The following FBN3 variants were observed in gnomAD, a reference collection of about 807,000 sequenced individuals.
FBN3 encodes fibrillin 3, also known as fibrillin-3.
In FBN3, 234 loss-of-function variants were observed where a neutral mutation model predicts 330.1. That is an observed-to-expected ratio of 0.71 (90% CI 0.64 to 0.79). The LOEUF (loss-of-function observed/expected upper bound fraction) is 0.79, where lower values mean the gene tolerates loss of function less well. Ranked by LOEUF, FBN3 falls within the 30% of genes least tolerant of loss-of-function variation. FBN3 has a pLI of 0.00. For missense variants in FBN3, 3,606 were observed against 3,886.9 expected (o/e 0.93, Z 1.92); for synonymous variants, 1,458 against 1,517.3 (o/e 0.96, Z 0.91).
chr19:8,148,579 G>T (rs1390566458), intron 1 of FBN3, among the ~76,000 whole-genome samples: 1 of 152,232 alleles, frequency 6.6e-6, no homozygotes, highest in African/African-American at 2.4e-5. Flanking sequence ...GACCGGGACA[G>T]GAGACGACCG....
intron 57 of FBN3, 87 bp from the exon 58 acceptor site, chr19:8,081,567 G>C: frequency 7.2e-7 from 1 of 1,389,530 alleles, no homozygotes; most frequent in Non-Finnish European, 9.7e-7. Flanking sequence ...ACCAGACCCC[G>C]ACCATCTGAA....
chr19:8,110,269 G>C lies in FBN3; in HGVS notation c.4334-516C>G, dbSNP rs111642087. Among the ~76,000 whole-genome samples the C allele has an allele frequency of 2.4e-3, 372 of 152,234 alleles. 2 individuals are homozygous for C. The highest frequency in any genetic ancestry group is 8.3e-3 in the African/African-American group (346 of 41,532). On this transcript the variant is annotated intron_variant, in intron 34 of 63. Coordinates refer to ENST00000600128, the MANE Select transcript of FBN3 (RefSeq NM_032447.5). ...AGATGAGGTCTCGCTATGTTGCTCA[G>C]GCTGGTCTCCAACTCCTGGCCTGGA... is the stretch of plus-strand genomic sequence containing the variant.
At position 8,123,507 on chromosome 19, in the gene FBN3, A is replaced by G. The variant is rs1263286182; in HGVS notation, c.3039T>C (p.Cys1013=). ...RNTVGSFHCA[C]AGGFALDAQE... Reference sequence around the variant, plus strand: ...GGGCATCCAGGGCGAAGCCCCCCGCACAGGCGCAGTGGAAGCTGCCCACCG... The same window carrying G: ...GGGCATCCAGGGCGAAGCCCCCCGCGCAGGCGCAGTGGAAGCTGCCCACCG... The change falls in exon 24 of 64, where the codon TGT becomes TGC. Residue 1013 remains cysteine, a synonymous_variant. Coordinates refer to ENST00000600128, the MANE Select transcript of FBN3 (RefSeq NM_032447.5). The G allele has an allele frequency of 6.2e-7, 1 of 1,614,126 alleles. No individual in the cohort carries two copies. Among genetic ancestry groups the G allele is most frequent in the East Asian group, 2.2e-5 (1 of 44,882 alleles).
At chr19:8,101,347 C>T (rs2082324500) in intron 40 of FBN3, among the ~76,000 whole-genome samples, 1 of 152,148 alleles carries the variant, frequency 6.6e-6, no homozygotes, top group African/African-American at 2.4e-5. Flanking sequence ...ATGAATACAG[C>T]TATAAGCCCC....
At position 8,086,209 on chromosome 19, in the gene FBN3, C is replaced by T. The variant is rs564631372; in HGVS notation, c.6871G>A (p.Glu2291Lys). 12 of 1,597,590 alleles carry T rather than the reference C, an allele frequency of 7.5e-6. No homozygotes were observed. The highest frequency in any genetic ancestry group is 4.6e-5 in the East Asian group (2 of 43,930). The part of the protein sequence containing the change: ...EGFQPSPTLT[E>K]CHDIRQGPCF... ...GTCCAGCCACACTCACCGTGGCACTCGGTAAGGGTGGGGCTGGGCTGGAAT... is the reference window on the plus strand; with the variant it reads ...GTCCAGCCACACTCACCGTGGCACTTGGTAAGGGTGGGGCTGGGCTGGAAT... The change falls in exon 55 of 64, where the codon GAG (glutamate) becomes AAG (lysine). Residue 2291 changes from glutamate (E) to lysine (K), a missense_variant. Physicochemically the swap from Glu to Lys is moderately conservative, Grantham distance 56. Coordinates refer to ENST00000600128, the MANE Select transcript of FBN3 (RefSeq NM_032447.5).
At chr19:8,119,126 T>G in intron 25 of FBN3, 104 bp from the exon 26 acceptor site, 5 of 1,360,218 alleles carry the variant, frequency 3.7e-6, no homozygotes, top group Non-Finnish European at 4.9e-6. Context: ...CCAGCCCCCT[T>G]CACCCCAGCG....
chr19:8,114,736 T>A (rs2082669111), intron 30 of FBN3, among the ~76,000 whole-genome samples: 1 of 150,582 alleles, frequency 6.6e-6, no homozygotes, highest in African/African-American at 2.4e-5. Context: ...GGAGAATCAT[T>A]TTACTTATTT....
rs138093244 is a variant in FBN3, at chr19:8,067,974, G to A, written c.8089-1714C>T. The stretch of plus-strand genomic sequence containing the variant: ...AGCTACTAGGGAGGCTGAGGTGGGA[G>A]GATCCCTTGAGCCTGGGAGTTCAAG... On this transcript the variant is annotated intron_variant, in intron 63 of 63. Coordinates refer to ENST00000600128, the MANE Select transcript of FBN3 (RefSeq NM_032447.5). Among the ~76,000 whole-genome samples, 5 of 152,046 alleles carry A rather than the reference G, an allele frequency of 3.3e-5. No homozygotes were observed. The South Asian group carries it at 1.0e-3, about 32-fold the overall frequency.
intron 63 of FBN3, among the ~76,000 whole-genome samples, chr19:8,067,129 C>CTT (rs1029572620): frequency 5.2e-5 from 7 of 135,220 alleles, no homozygotes; most frequent in African/African-American, 1.6e-4. Context: ...TCTTCTTTTT[C>CTT]TTTTTTTTTT....
intron 40 of FBN3, 80 bp downstream of exon 40, chr19:8,102,644 A>G: frequency 7.1e-7 from 1 of 1,402,912 alleles, no homozygotes; most frequent in South Asian, 1.3e-5. Context: ...TTAATCTAAG[A>G]ACCCTAAGGG....
chr19:8,136,901 GGGGCCTGGATCCCTCCAACCT>G (rs1555754109), intron 10 of FBN3, among the ~76,000 whole-genome samples: 21 of 79,528 alleles, frequency 2.6e-4, no homozygotes, highest in Non-Finnish European at 3.6e-4. Context: ...CCTCCAACCT[GGGGCCTGGATCCCTCCAACCT>G]GGGCCTGGAT....
At chr19:8,128,929 T>C in intron 18 of FBN3, 99 bp downstream of exon 18, 1 of 1,416,182 alleles carries the variant, frequency 7.1e-7, no homozygotes, top group South Asian at 1.4e-5. Flanking sequence ...CATGTAAGCA[T>C]CTTTGAGCGT....
At position 8,118,971 on chromosome 19, in the gene FBN3, G is replaced by A; in HGVS notation, c.3263C>T (p.Thr1088Ile). 6.2e-7 allele frequency: 1 copy of A among 1,612,148 alleles called. No homozygotes were observed. The highest frequency in any genetic ancestry group is 8.5e-7 in the Non-Finnish European group (1 of 1,178,340). Residue 1088 changes from threonine (T) to isoleucine (I), a missense_variant, in exon 26 of 64, where the codon ACC (threonine) becomes ATC (isoleucine). Transcript: ENST00000600128. ...GCACTTGTAGCTCCCATCCGTGTTG[G>A]TGCAAGTGCCTCCCCGGCAGAGCAG... Reference protein sequence around the residue: ...DPLLCRGGTCTNTDGSYKCQC... With the variant: ...DPLLCRGGTCINTDGSYKCQC...
rs145435433 is a variant in FBN3, at chr19:8,123,936, C to T, written c.2804G>A (p.Arg935Gln). 4.4e-4 allele frequency: 707 copies of T among 1,614,112 alleles called. 10 individuals are homozygous for T. The East Asian group carries it at 0.014, about 33-fold the overall frequency. Residue 935 changes from arginine to glutamine, a missense_variant, in exon 23 of 64, where the codon CGG becomes CAG. Arg to Gln is a conservative substitution (Grantham distance 43). Transcript: ENST00000600128. ...GATGGAGCAGCAGCAGACGTCCATCCGGTACTTGCCAGGCAGGGTGACCCC... is the reference window on the plus strand; with the variant it reads ...GATGGAGCAGCAGCAGACGTCCATCTGGTACTTGCCAGGCAGGGTGACCCC... ...ECGVTLPGKYRMDVCCCSIGA... is the reference protein window; with the variant it reads ...ECGVTLPGKYQMDVCCCSIGA...
In FBN3 at chr19:8,087,931, G is replaced by T; in HGVS notation, c.6513C>A (p.Ser2171=). The change falls in exon 53 of 64, where the codon TCC becomes TCA. Residue 2171 remains serine (S), a synonymous_variant. Transcript: ENST00000600128. ...GGAAGGCACAGAGCAGCGGGTTCAG[G>T]GAGCATTCGTCGATGTCTGGGGAGG... ...MMTCEDIDEC[S]LNPLLCAFRC... The T allele has an allele frequency of 1.2e-6, 2 of 1,614,128 alleles. No homozygotes were observed. The highest frequency in any genetic ancestry group is 2.7e-5 in the African/African-American group (2 of 75,026).
chr19:8,080,255 G>A (rs976114374), intron 59 of FBN3, among the ~76,000 whole-genome samples: 7 of 152,244 alleles, frequency 4.6e-5, no homozygotes, highest in African/African-American at 1.7e-4. Context: ...TAGTGGGCGC[G>A]TGAAAGGGGC....
In FBN3 at chr19:8,087,109, C is replaced by T. The variant is rs200838945; in HGVS notation, c.6722G>A (p.Arg2241Gln). 1.1e-4 allele frequency: 172 copies of T among 1,610,280 alleles called. 1 individual carries two copies. The East Asian group carries it at 3.1e-3, about 29-fold the overall frequency. The change falls in exon 54 of 64, where the codon CGG (arginine) becomes CAG (glutamine). Residue 2241 changes from arginine to glutamine, a missense_variant. Physicochemically the swap from Arg to Gln is conservative, Grantham distance 43 (BLOSUM62 1). Coordinates refer to ENST00000600128, the MANE Select transcript of FBN3 (RefSeq NM_032447.5). ...GCCCTCCCCAGAGCCAGGCAGGGGC[C>T]GCATGCCTGGGGGACAGACGCACGC... is the stretch of plus-strand genomic sequence containing the variant. ...TFACVCPPGM[R>Q]PLPGSGEGCT... is the part of the protein sequence containing the mutation.
chr19:8,089,986 G>C, intron 49 of FBN3, 27 bp from the exon 50 acceptor site: 2 of 1,601,234 alleles, frequency 1.2e-6, no homozygotes, highest in Non-Finnish European at 1.7e-6. Context: ...AGGGGAGTCA[G>C]AGTCAGGGCC....
rs755158260 is a variant in FBN3, at chr19:8,090,126, A to G, written c.6157T>C (p.Cys2053Arg). The G allele has an allele frequency of 1.2e-6, 2 of 1,613,862 alleles. No homozygotes were observed. Among genetic ancestry groups the G allele is most frequent in the African/African-American group, 1.3e-5 (1 of 74,964 alleles). The change falls in exon 49 of 64, where the codon TGC becomes CGC. Residue 2053 changes from cysteine to arginine, a missense_variant. By Grantham distance (180) the Cys-to-Arg change is radical. Transcript: ENST00000600128. ...CTGCCCTCCTGGGGACACAGTTCGCAGGGGTCTCCCCAGCCCTCCCCAGGC... is the reference window on the plus strand; with the variant it reads ...CTGCCCTCCTGGGGACACAGTTCGCGGGGGTCTCCCCAGCCCTCCCCAGGC... ...KRPGEGWGDP[C>R]ELCPQEGSAA... is the part of the protein sequence containing the mutation.
Sources: allele counts gnomAD v4.1 joint callset (sites outside exome capture counted in the v4.1 genomes callset), GRCh38; gene constraint gnomAD v4.1.1; transcripts MANE v1.5; gene names NCBI Gene and HGNC (gene_info 2026-07-23, HGNC 2026-07-21).